Variants in ADAMTS9 observed in about 807,000 individuals in gnomAD.
The protein encoded by ADAMTS9 is A disintegrin and metalloproteinase with thrombospondin motifs 9.
Under a neutral mutation model 257.1 loss-of-function variants are expected in ADAMTS9, and 107 were observed. The observed-to-expected ratio is 0.42, with a 90% confidence interval of 0.36 to 0.49. The LOEUF is 0.49. Among genes scored for constraint, ADAMTS9 ranks in the 20% least tolerant of loss-of-function variants. The pLI is 0.03. For synonymous variants in ADAMTS9, 982 were observed against 880.9 expected (o/e 1.11, Z -2.03); for missense variants, 2,353 against 2,469.1 (o/e 0.95, Z 1.00).
chr3:64,681,593 T>G (rs903916790), intron 2 of ADAMTS9, among the ~76,000 whole-genome samples: 1 of 152,214 alleles, frequency 6.6e-6, no homozygotes, highest in African/African-American at 2.4e-5. Flanking sequence ...ATTCTTATTA[T>G]TTTAGAGATA....
chr3:64,580,904 G>C (rs1362547447), intron 28 of ADAMTS9, among the ~76,000 whole-genome samples: 1 of 152,160 alleles, frequency 6.6e-6, no homozygotes, highest in Non-Finnish European at 1.5e-5. Context: ...GTTTCTAGAA[G>C]TTTTGAAAGC....
intron 11 of ADAMTS9, among the ~76,000 whole-genome samples, chr3:64,643,270 T>G (rs1185906065): frequency 6.6e-6 from 1 of 152,062 alleles, no homozygotes; most frequent in East Asian, 1.9e-4. Flanking sequence ...ATGGACGGCT[T>G]TGTCTAGAGT....
chr3:64,528,907 C>T (rs1462204714), intron 38 of ADAMTS9, among the ~76,000 whole-genome samples: 6 of 152,056 alleles, frequency 3.9e-5, no homozygotes, highest in Non-Finnish European at 8.8e-5. Context: ...ATAACTTGCC[C>T]AAGATGGCAG....
chr3:64,665,391 G>A (rs556133448), intron 3 of ADAMTS9, among the ~76,000 whole-genome samples: 41 of 152,250 alleles, frequency 2.7e-4, no homozygotes, highest in Non-Finnish European at 4.6e-4. Flanking sequence ...CTCACCCTCC[G>A]TCCTCCCACT....
intron 21 of ADAMTS9, chr3:64,614,800 G>T (rs1237696331): frequency 6.6e-6 from 1 of 152,084 alleles, no homozygotes; most frequent in African/African-American, 2.4e-5. Context: ...GGATGAGAAA[G>T]GCATAAATCT....
chr3:64,570,870 C>A (rs1190863707), intron 28 of ADAMTS9, among the ~76,000 whole-genome samples: 2 of 151,920 alleles, frequency 1.3e-5, no homozygotes, highest in Non-Finnish European at 2.9e-5. Flanking sequence ...GGAGATACAG[C>A]ATTGGGAGTC....
chr3:64,655,390 AGTG>A (rs1460551514), intron 6 of ADAMTS9, among the ~76,000 whole-genome samples, 183 bp downstream of exon 6: 1 of 152,198 alleles, frequency 6.6e-6, no homozygotes, highest in Non-Finnish European at 1.5e-5. Context: ...ACTAATACGT[AGTG>A]AGCAGAGGCC....
At chr3:64,600,599 C>T (rs2084442199) in intron 26 of ADAMTS9, among the ~76,000 whole-genome samples, 1 of 152,196 alleles carries the variant, frequency 6.6e-6, no homozygotes, top group Admixed American at 6.5e-5. Flanking sequence ...ATTTTGTCAA[C>T]AAGGAAAAAC....
chr3:64,585,875 CT>C (rs1245102370), intron 28 of ADAMTS9, among the ~76,000 whole-genome samples: 1 of 152,068 alleles, frequency 6.6e-6, no homozygotes, highest in Non-Finnish European at 1.5e-5. Context: ...TCCTGATTTT[CT>C]TTGCTTATCC....
rs183594886 is a variant in ADAMTS9 at position 64,535,524 on chromosome 3, C to T, written c.5614-2254G>A. ...CCGGATTCTGTATGTTGCATTATTC[C>T]ATTGGCCATTTTCTTTTCTTTTCTT... is the stretch of plus-strand genomic sequence containing the variant. On this transcript the variant is annotated intron_variant, in intron 37 of 39. Transcript: ENST00000498707. Among the ~76,000 whole-genome samples, 12 of 150,436 alleles carry T rather than the reference C, an allele frequency of 8.0e-5. No individual in the cohort carries two copies. The East Asian group carries it at 2.2e-3, about 27-fold the overall frequency.
rs1701916560 is a variant in ADAMTS9, at chr3:64,686,679, A to T, written c.405T>A (p.Asn135Lys). The T allele has an allele frequency of 1.2e-6, 2 of 1,614,036 alleles. No homozygotes were observed. The highest frequency in any genetic ancestry group is 8.5e-7 in the Non-Finnish European group (1 of 1,180,050). The change falls in exon 2 of 40, where the codon AAT becomes AAA. Residue 135 changes from asparagine to lysine, a missense_variant. This residue lies in a region of ADAMTS9 where 591 missense variants were observed against 569.6 expected (regional missense o/e 1.04). Coordinates refer to ENST00000498707, the MANE Select transcript of ADAMTS9 (RefSeq NM_182920.2). The surrounding 1 kb of genome is among the most constrained non-coding windows in gnomAD (Gnocchi z 4.6). Reference sequence around the variant, plus strand: ...CCTCTTCGGAATAAAACTTGGTCTGATTCACCCCGGGCGTCCCGAGGAGGG... The same window carrying T: ...CCTCTTCGGAATAAAACTTGGTCTGTTTCACCCCGGGCGTCCCGAGGAGGG... ...TVTLLGTPGVNQTKFYSEEEA... is the reference protein window; with the variant it reads ...TVTLLGTPGVKQTKFYSEEEA...
Position 64,602,116 on chromosome 3 carries a change from T to A in ADAMTS9, c.3845A>T (p.Tyr1282Phe), listed in dbSNP as rs757944644. 1.2e-5 allele frequency: 20 copies of A among 1,613,996 alleles called. No individual in the cohort carries two copies. Among genetic ancestry groups the A allele is most frequent in the Non-Finnish European group, 1.7e-5 (20 of 1,180,006 alleles). Residue 1282 changes from tyrosine (Y) to phenylalanine (F), a missense_variant, in exon 26 of 40, where the codon TAT becomes TTT. Tyr to Phe is a conservative substitution (Grantham distance 22). Coordinates refer to ENST00000498707, the MANE Select transcript of ADAMTS9 (RefSeq NM_182920.2). Reference protein sequence around the residue: ...VIDRSECDQDYIPETDQDCSM... With the variant: ...VIDRSECDQDFIPETDQDCSM... ...ACAGTCCTGGTCAGTTTCTGGGATA[T>A]AATCCTGGTCACACTCACTCCGATC... is the stretch of plus-strand genomic sequence containing the variant.
At chr3:64,582,641 G>T (rs968722540) in intron 28 of ADAMTS9, 1 of 152,154 alleles carries the variant, frequency 6.6e-6, no homozygotes, top group African/African-American at 2.4e-5. Context: ...TGTCACAACC[G>T]AGGGGGTATG....
chr3:64,662,391 G>A (rs367875060), intron 3 of ADAMTS9, among the ~76,000 whole-genome samples: 16 of 152,212 alleles, frequency 1.1e-4, no homozygotes, highest in African/African-American at 1.9e-4. Context: ...GTGGGGTAAC[G>A]TGTCCAATAG....
chr3:64,604,189 C>T (rs765756785), intron 24 of ADAMTS9, 38 bp downstream of exon 24: 1 of 1,601,894 alleles, frequency 6.2e-7, no homozygotes, highest in East Asian at 2.2e-5. Context: ...TGTTAGCCCC[C>T]ATCCTGCCCT....
intron 10 of ADAMTS9, 147 bp downstream of exon 10, chr3:64,649,490 C>T (rs1334919363): frequency 4.4e-6 from 4 of 907,788 alleles, no homozygotes; most frequent in Non-Finnish European, 6.4e-6. Context: ...GTGTCATCCT[C>T]ATAATTATTA....
chr3:64,567,686 C>A (rs1273606429), intron 29 of ADAMTS9, among the ~76,000 whole-genome samples: 1 of 152,070 alleles, frequency 6.6e-6, no homozygotes, highest in African/African-American at 2.4e-5. Context: ...TAATCAGTGT[C>A]TTGGGTACTC....
chr3:64,522,872 T>G (rs2082870049), intron 38 of ADAMTS9, among the ~76,000 whole-genome samples: 1 of 152,200 alleles, frequency 6.6e-6, no homozygotes. Context: ...ATTATTTTGT[T>G]ATCAAATTTA....
intron 29 of ADAMTS9, among the ~76,000 whole-genome samples, chr3:64,568,100 C>G (rs1226431690): frequency 6.6e-6 from 1 of 152,132 alleles, no homozygotes; most frequent in Non-Finnish European, 1.5e-5. Context: ...AGGGGCTGAC[C>G]TGTGCTCCAT....
Sources: allele counts gnomAD v4.1 joint callset (sites outside exome capture counted in the v4.1 genomes callset), GRCh38; gene constraint gnomAD v4.1.1; regional missense constraint gnomAD v4.1.1; non-coding constraint Gnocchi (gnomAD v3.1); transcripts MANE v1.5; gene names NCBI Gene and HGNC (gene_info 2026-07-23, HGNC 2026-07-21).